MYO7B: variants seen among roughly 807,000 people sequenced by gnomAD.
The protein encoded by MYO7B is myosin VIIB.
In MYO7B, 212 loss-of-function variants were observed where a neutral mutation model predicts 259.7. The ratio of observed to expected loss-of-function variants is 0.82; its 90% CI spans 0.73 to 0.91. The LOEUF (loss-of-function observed/expected upper bound fraction) is 0.91, where lower values mean the gene tolerates loss of function less well. MYO7B is among the 40% of genes least tolerant of loss of function. The probability of loss-of-function intolerance (pLI) is 0.00; values close to 1 mark genes in which losing one functional copy is unlikely to be tolerated. For synonymous variants in MYO7B, 1,197 were observed against 1,166.4 expected, an observed-to-expected ratio of 1.03 and a Z score of -0.54; for missense variants, 2,732 against 2,813.5, an observed-to-expected ratio of 0.97 and a Z score of 0.66.
chr2:127,588,136 C>A (rs1679372189), intron 14 of MYO7B, among the ~76,000 whole-genome samples: 1 of 151,922 alleles, frequency 6.6e-6, no homozygotes, highest in African/African-American at 2.4e-5. Context: ...GAGGATGTGG[C>A]AGCTTATATA....
At chr2:127,588,664 T>G in intron 15 of MYO7B, 109 bp downstream of exon 15, 1 of 1,343,068 alleles carries the variant, frequency 7.4e-7, no homozygotes, top group Non-Finnish European at 1.0e-6. Flanking sequence ...CAGCATGCAG[T>G]TGGCACTTGG....
intron 41 of MYO7B, 75 bp downstream of exon 41, chr2:127,634,364 C>A: frequency 8.5e-7 from 1 of 1,170,858 alleles, no homozygotes; most frequent in Non-Finnish European, 1.2e-6. Context: ...CCTGTGGGGG[C>A]CTCAGCCTAC....
At chr2:127,572,033 G>A (rs1009304734) in intron 6 of MYO7B, among the ~76,000 whole-genome samples, 1 of 151,992 alleles carries the variant, frequency 6.6e-6, no homozygotes, top group Admixed American at 6.5e-5. Flanking sequence ...ATGTTTTGTA[G>A]TTTTAGGTCT....
In MYO7B at chr2:127,592,089, GC is replaced by G. The variant is rs199835014; in HGVS notation, c.1993-704del. On this transcript the variant is annotated intron_variant, in intron 16 of 47. Coordinates refer to ENST00000409816, the MANE Select transcript of MYO7B (RefSeq NM_001393586.1). ...CCACCCCGACCTATGTAGGCAAGGGGCGCTTAAAAACATTTTAAACTGGGCC... is the reference window on the plus strand; with the variant it reads ...CCACCCCGACCTATGTAGGCAAGGGGGCTTAAAAACATTTTAAACTGGGCC... Among the ~76,000 whole-genome samples, 539 of 152,368 alleles carry G rather than the reference GC, an allele frequency of 3.5e-3. 1 individual carries two copies. The highest frequency in any genetic ancestry group is 5.2e-3 in the Non-Finnish European group (355 of 68,038).
intron 39 of MYO7B, 31 bp downstream of exon 39, chr2:127,632,432 G>A (rs762726101): frequency 1.3e-6 from 2 of 1,500,980 alleles, no homozygotes; most frequent in East Asian, 2.4e-5. Flanking sequence ...CCCCAGCATT[G>A]GCCCTGGGCC....
intron 43 of MYO7B, 52 bp from the exon 44 acceptor site, chr2:127,635,670 G>A (rs1681758705): frequency 6.5e-7 from 1 of 1,530,822 alleles, no homozygotes. Context: ...GAGGTTGGGG[G>A]CGGGTGGGCC....
Position 127,605,853 on chromosome 2 carries a change from C to T in MYO7B, c.2349C>T (p.Phe783=). The change falls in exon 20 of 48, where the codon TTC becomes TTT. Residue 783 remains phenylalanine, a synonymous_variant. Coordinates refer to ENST00000409816, the MANE Select transcript of MYO7B (RefSeq NM_001393586.1). ...TGCATTGCCCTTCTAGGAAGGAGTT[C>T]CTGAGGCAGAGGCGGGCAGCTGTGA... ...VLRGYRYRKE[F]LRQRRAAVTL... is the part of the protein sequence containing the mutation. 3.1e-6 allele frequency: 5 copies of T among 1,613,702 alleles called. No homozygotes were observed. The highest frequency in any genetic ancestry group is 3.4e-6 in the Non-Finnish European group (4 of 1,179,832).
intron 11 of MYO7B, 111 bp from the exon 12 acceptor site, chr2:127,582,193 G>T: frequency 6.8e-7 from 1 of 1,473,376 alleles, no homozygotes. Flanking sequence ...CTTTGAAGGA[G>T]GGATAACATC....
intron 42 of MYO7B, 185 bp from the exon 43 acceptor site, chr2:127,634,935 C>T (rs1681717369): frequency 1.5e-6 from 1 of 646,428 alleles, no homozygotes; most frequent in African/African-American, 1.8e-5. Flanking sequence ...AGTGCGAGTC[C>T]AGGAATGTTC....
Position 127,608,816 on chromosome 2 carries a change from G to A in MYO7B, c.2752G>A (p.Val918Met), listed in dbSNP as rs749989640. ...CACTGACACGGAGATGGTGGAGAAG[G>A]TGTTCGGCTTCCTCCCTGCCATGAT... ...TVTDTEMVEK[V>M]FGFLPAMIGG... is the part of the protein sequence containing the mutation. Residue 918 changes from valine (V) to methionine (M), a missense_variant, in exon 22 of 48, where the codon GTG (valine) becomes ATG (methionine). Transcript: ENST00000409816. The A allele has an allele frequency of 6.2e-7, 1 of 1,613,502 alleles. No individual in the cohort carries two copies. The highest frequency in any genetic ancestry group is 8.5e-7 in the Non-Finnish European group (1 of 1,179,836).
Position 127,574,023 on chromosome 2 carries a change from C to T in MYO7B, c.696C>T (p.Ile232=), listed in dbSNP as rs773193883. The change falls in exon 7 of 48, where the codon ATC becomes ATT. Residue 232 remains isoleucine, a synonymous_variant. Coordinates refer to ENST00000409816, the MANE Select transcript of MYO7B (RefSeq NM_001393586.1). ...NPSGVIEGAR[I]EQFLLEKSRV... is the part of the protein sequence containing the mutation. ...GCGGGGTGATCGAGGGCGCGCGCAT[C>T]GAGCAATTTCTCCTGGAGAAGTCCC... 15 of 1,613,930 alleles carry T rather than the reference C, an allele frequency of 9.3e-6. No homozygotes were observed. Among genetic ancestry groups the T allele is most frequent in the Admixed American group, 5.0e-5 (3 of 60,006 alleles).
intron 29 of MYO7B, 60 bp from the exon 30 acceptor site, chr2:127,624,033 G>T: frequency 6.9e-7 from 1 of 1,449,496 alleles, no homozygotes. Context: ...GACGGTGGGC[G>T]TCCCCGTGGG....
chr2:127,561,260 G>A (rs1429054977), intron 2 of MYO7B, among the ~76,000 whole-genome samples: 2 of 151,886 alleles, frequency 1.3e-5, no homozygotes, highest in Non-Finnish European at 2.9e-5. Context: ...AAGTCTTTGA[G>A]AGGAGAGTAA....
At chr2:127,606,089 GC>G (rs373910732) in intron 20 of MYO7B, among the ~76,000 whole-genome samples, 161 bp downstream of exon 20, 405 of 152,328 alleles carry the variant, frequency 2.7e-3, no homozygotes, top group African/African-American at 8.9e-3. Context: ...TCAGACCTCA[GC>G]ATCCCACACA....
In MYO7B at chr2:127,546,212, A is replaced by T. The variant is rs1206913322; in HGVS notation, c.-24+10381A>T. The stretch of plus-strand genomic sequence containing the variant: ...TGCCCCTTCCGGGCTGGTATCCCAT[A>T]GGCCAGAGTCTCAATGTTAGCTTTG... On this transcript the variant is annotated intron_variant, in intron 1 of 47. Transcript: ENST00000409816. The surrounding 1 kb of genome is among the most constrained non-coding windows in gnomAD (Gnocchi z 4.2). 6.6e-6 allele frequency among the ~76,000 whole-genome samples: 1 copy of T among 152,230 alleles called. No individual in the cohort carries two copies. Among genetic ancestry groups the T allele is most frequent in the African/African-American group, 2.4e-5 (1 of 41,468 alleles).
chr2:127,571,442 G>GT, intron 6 of MYO7B, among the ~76,000 whole-genome samples: 976 of 41,984 alleles, frequency 0.023, 61 homozygotes, highest in Middle Eastern at 0.074. Context: ...TTACCAGTGA[G>GT]TTTTTTTTTT....
intron 17 of MYO7B, 27 bp from the exon 18 acceptor site, chr2:127,593,519 A>C (rs1478691058): frequency 6.2e-7 from 1 of 1,606,500 alleles, no homozygotes; most frequent in South Asian, 1.1e-5. Flanking sequence ...CCCACCTCCC[A>C]CCGATACCCC....
At chr2:127,581,833 G>A (rs1405326970) in intron 10 of MYO7B, 58 bp from the exon 11 acceptor site, 2 of 1,606,526 alleles carry the variant, frequency 1.2e-6, no homozygotes. Context: ...AAGCAGGTCA[G>A]AGTGCTGGGC....
rs778294788 is a variant in MYO7B, at chr2:127,588,545, A to G, written c.1844A>G (p.His615Arg). Residue 615 changes from histidine (H) to arginine (R), a missense_variant, in exon 15 of 48, where the codon CAT becomes CGT. Coordinates refer to ENST00000409816, the MANE Select transcript of MYO7B (RefSeq NM_001393586.1). ...ATCCGCCAGGCAAAGGCAGGAAACC[A>G]TCTCTTCAAGGTGGGCTCCCAGGCA... ...GTIRQAKAGN[H>R]LFKSADSNKR... The G allele has an allele frequency of 5.0e-6, 8 of 1,613,030 alleles. No individual in the cohort carries two copies. In the Admixed American group the frequency reaches 5.0e-5, roughly 10 times the overall value.
Sources: allele counts gnomAD v4.1 joint callset (sites outside exome capture counted in the v4.1 genomes callset), GRCh38; gene constraint gnomAD v4.1.1; non-coding constraint Gnocchi (gnomAD v3.1); transcripts MANE v1.5; gene names NCBI Gene and HGNC (gene_info 2026-07-23, HGNC 2026-07-21).